Variants in DUOXA2 observed in about 807,000 individuals in gnomAD.
DUOXA2 encodes the protein dual oxidase maturation factor 2.
In DUOXA2, 22 loss-of-function variants were observed where a neutral mutation model predicts 27.6. The observed-to-expected ratio is 0.80, with a 90% CI of 0.57 to 1.14. DUOXA2 has a LOEUF of 1.14. DUOXA2 is among the 50% of genes most tolerant of loss of function. The probability of loss-of-function intolerance (pLI) is 0.00; values close to 1 mark genes in which losing one functional copy is unlikely to be tolerated. For missense variants in DUOXA2, 481 were observed against 419.9 expected (o/e 1.15, Z -1.27); for synonymous variants, 188 against 184.4 (o/e 1.02, Z -0.16).
rs1323934451 is a variant in DUOXA2 at position 45,117,910 on chromosome 15, G to A, written c.*1G>A. ...AAAATGTATCACCACTAACCTGTGA[G>A]GGGGACCCAATCTGGACTCCTTCCC... is the stretch of plus-strand genomic sequence containing the variant. On this transcript the variant is annotated 3_prime_UTR_variant, in exon 6 of 6. Coordinates refer to ENST00000323030, the MANE Select transcript of DUOXA2 (RefSeq NM_207581.4). 2 of 1,613,226 alleles carry A rather than the reference G, an allele frequency of 1.2e-6. No individual in the cohort carries two copies. The highest frequency in any genetic ancestry group is 2.2e-5 in the East Asian group (1 of 44,878).
At chr15:45,116,358 C>G in intron 3 of DUOXA2, 100 bp downstream of exon 3, 3 of 1,569,530 alleles carry the variant, frequency 1.9e-6, no homozygotes, top group Non-Finnish European at 2.6e-6. Context: ...CCCACAAGCT[C>G]AAATAGCTTG....
At chr15:45,115,989 A>G (rs1894611457) in intron 2 of DUOXA2, 133 bp downstream of exon 2, 1 of 1,590,756 alleles carries the variant, frequency 6.3e-7, no homozygotes, top group Non-Finnish European at 8.6e-7. Flanking sequence ...TCTAGGGCCC[A>G]CTTTTTGGCC....
At chr15:45,116,491 C>G in intron 3 of DUOXA2, 25 bp from the exon 4 acceptor site, 2 of 1,612,564 alleles carry the variant, frequency 1.2e-6, no homozygotes, top group Non-Finnish European at 8.5e-7. Context: ...CGCGGGCAGC[C>G]CCATGAGCCC....
intron 1 of DUOXA2, 44 bp downstream of exon 1, chr15:45,114,796 T>G: frequency 6.2e-7 from 1 of 1,613,846 alleles, no homozygotes; most frequent in Non-Finnish European, 8.5e-7. Flanking sequence ...GGAAGGCTCA[T>G]GGGCAGATTG....
chr15:45,116,495 T>C, intron 3 of DUOXA2, 21 bp from the exon 4 acceptor site: 10 of 1,613,036 alleles, frequency 6.2e-6, no homozygotes, highest in East Asian at 2.2e-5. Flanking sequence ...GGCAGCCCCA[T>C]GAGCCCGCCT....
Position 45,118,054 on chromosome 15 carries a change from A to G in DUOXA2, c.*145A>G, listed in dbSNP as rs780759367. ...TCGGACATCCGCAGGCACCAGGGAA[A>G]GTCTCCTGGGGCGATCTGTAAATAA... On this transcript the variant is annotated 3_prime_UTR_variant, in exon 6 of 6. Coordinates refer to ENST00000323030, the MANE Select transcript of DUOXA2 (RefSeq NM_207581.4). 2 of 1,588,176 alleles carry G rather than the reference A, an allele frequency of 1.3e-6. No homozygotes were observed. Among genetic ancestry groups the G allele is most frequent in the South Asian group, 1.1e-5 (1 of 89,256 alleles).
In DUOXA2 at chr15:45,118,036, T is replaced by A. The variant is rs1466836269; in HGVS notation, c.*127T>A. On this transcript the variant is annotated 3_prime_UTR_variant, in exon 6 of 6. Coordinates refer to ENST00000323030, the MANE Select transcript of DUOXA2 (RefSeq NM_207581.4). The stretch of plus-strand genomic sequence containing the variant: ...CGCTGCTGGCGCGAGGCCTCGGACA[T>A]CCGCAGGCACCAGGGAAAGTCTCCT... The A allele has an allele frequency of 1.3e-6, 2 of 1,595,912 alleles. No individual in the cohort carries two copies. Among genetic ancestry groups the A allele is most frequent in the Non-Finnish European group, 8.6e-7 (1 of 1,167,906 alleles).
At chr15:45,115,148 AGTGT>A (rs1347968173) in intron 1 of DUOXA2, among the ~76,000 whole-genome samples, 2 of 152,216 alleles carry the variant, frequency 1.3e-5, no homozygotes, top group East Asian at 3.8e-4. Flanking sequence ...CTCAGACTGC[AGTGT>A]TCCCCTTTGC....
At position 45,115,769 on chromosome 15, in the gene DUOXA2, C is replaced by T. The variant is rs28559568; in HGVS notation, c.148-30C>T. 0.016 allele frequency: 26,341 copies of T among 1,613,992 alleles called. 492 individuals carry two copies. The highest frequency in any genetic ancestry group is 0.071 in the African/African-American group (5,292 of 74,996). On this transcript the variant is annotated intron_variant, in intron 1 of 5. Transcript: ENST00000323030. ...TTGGGGACTCTGGTTTGGCAGGGCT[C>T]AGGCCTGACCCGGGTGCCTATTCCT...
Position 45,116,497 on chromosome 15 carries a change from A to T in DUOXA2, c.341-19A>T. The T allele has an allele frequency of 6.2e-7, 1 of 1,613,168 alleles. No individual in the cohort carries two copies. The highest frequency in any genetic ancestry group is 1.1e-5 in the South Asian group (1 of 91,056). The stretch of plus-strand genomic sequence containing the variant: ...GTCTCCGACCGCGGGCAGCCCCATG[A>T]GCCCGCCTCACCCCACAGGGACCCC... On this transcript the variant is annotated intron_variant, in intron 3 of 5. Coordinates refer to ENST00000323030, the MANE Select transcript of DUOXA2 (RefSeq NM_207581.4).
chr15:45,117,823 A>G lies in DUOXA2; in HGVS notation c.877A>G (p.Arg293Gly), dbSNP rs760971785. The G allele has an allele frequency of 6.2e-7, 1 of 1,613,858 alleles. No individual in the cohort carries two copies. The highest frequency in any genetic ancestry group is 2.2e-5 in the East Asian group (1 of 44,878). The change falls in exon 6 of 6, where the codon AGA becomes GGA. Residue 293 changes from arginine (R) to glycine (G), a missense_variant. Coordinates refer to ENST00000323030, the MANE Select transcript of DUOXA2 (RefSeq NM_207581.4). Reference protein sequence around the residue: ...DQSAKDCSQERGGSPLILGDP... With the variant: ...DQSAKDCSQEGGGSPLILGDP... ...AAGCGCCAAGGACTGCAGCCAGGAG[A>G]GAGGGGGCTCACCTCTTATCCTCGG... is the stretch of plus-strand genomic sequence containing the variant.
At position 45,116,130 on chromosome 15, in the gene DUOXA2, A is replaced by C. The variant is rs1470175943; in HGVS notation, c.212A>C (p.His71Pro). ...CGTGTGCCTTTCCCTACAGCTGTGC[A>C]CTTCAGTGCAGAATGGTTCGTGGGT... ...LFIGAEIVAV[H>P]FSAEWFVGTV... Residue 71 changes from histidine (H) to proline (P), a missense_variant, in exon 3 of 6, where the codon CAC becomes CCC. Physicochemically the swap from His to Pro is moderately conservative, Grantham distance 77 (BLOSUM62 -2). Transcript: ENST00000323030. The C allele has an allele frequency of 1.2e-6, 2 of 1,611,548 alleles. No individual in the cohort carries two copies. Among genetic ancestry groups the C allele is most frequent in the African/African-American group, 1.3e-5 (1 of 74,404 alleles).
intron 5 of DUOXA2, 59 bp from the exon 6 acceptor site, chr15:45,117,657 C>T (rs141177699): frequency 3.7e-6 from 6 of 1,613,714 alleles, no homozygotes; most frequent in Non-Finnish European, 5.1e-6. Flanking sequence ...CGAGACCAGC[C>T]TGGGCAACAT....
intron 3 of DUOXA2, 115 bp downstream of exon 3, chr15:45,116,373 C>A: frequency 6.4e-7 from 1 of 1,566,014 alleles, no homozygotes; most frequent in Non-Finnish European, 8.7e-7. Flanking sequence ...AGCTTGTGGT[C>A]CTCGTGGATT....
rs2576091 is a variant in DUOXA2 at position 45,116,493 on chromosome 15, C to G, written c.341-23C>G. The G allele has an allele frequency of 0.89, 1,441,027 of 1,612,674 alleles. 654,414 individuals carry two copies. The highest frequency in any genetic ancestry group is 0.94 in the East Asian group (41,946 of 44,842). On this transcript the variant is annotated intron_variant, in intron 3 of 5. Coordinates refer to ENST00000323030, the MANE Select transcript of DUOXA2 (RefSeq NM_207581.4). ...CGAGGTCTCCGACCGCGGGCAGCCC[C>G]ATGAGCCCGCCTCACCCCACAGGGA...
intron 1 of DUOXA2, 119 bp from the exon 2 acceptor site, chr15:45,115,680 T>C: frequency 1.6e-6 from 2 of 1,238,014 alleles, no homozygotes; most frequent in South Asian, 1.3e-5. Context: ...AAAGCGTGCC[T>C]AACATTAGTC....
At chr15:45,116,813 G>A (rs1894657722) in intron 4 of DUOXA2, 84 bp downstream of exon 4, 2 of 1,507,542 alleles carry the variant, frequency 1.3e-6, no homozygotes, top group Admixed American at 1.9e-5. Context: ...GGCCTCGGAG[G>A]CGCTGAGCAG....
chr15:45,116,111 C>T lies in DUOXA2; in HGVS notation c.206-13C>T, dbSNP rs1328768689. ...ACCCTCATCCCACCCCCACCGTGTGCCTTTCCCTACAGCTGTGCACTTCAG... is the reference window on the plus strand; with the variant it reads ...ACCCTCATCCCACCCCCACCGTGTGTCTTTCCCTACAGCTGTGCACTTCAG... On this transcript the variant is annotated splice_polypyrimidine_tract_variant and intron_variant, in intron 2 of 5. Transcript: ENST00000323030. 3 of 1,595,794 alleles carry T rather than the reference C, an allele frequency of 1.9e-6. No homozygotes were observed. The highest frequency in any genetic ancestry group is 2.6e-6 in the Non-Finnish European group (3 of 1,165,754).
rs1465675115 is a variant in DUOXA2 at position 45,117,792 on chromosome 15, G to A, written c.846G>A (p.Leu282=). ...YVRPSALRTL[L]DQSAKDCSQE... is the part of the protein sequence containing the mutation. ...GGCCCAGCGCTCTTCGCACCCTTCT[G>A]GACCAAAGCGCCAAGGACTGCAGCC... Residue 282 remains leucine, a synonymous_variant, in exon 6 of 6, where the codon CTG becomes CTA. Coordinates refer to ENST00000323030, the MANE Select transcript of DUOXA2 (RefSeq NM_207581.4). The A allele has an allele frequency of 1.9e-6, 3 of 1,613,978 alleles. No homozygotes were observed. Among genetic ancestry groups the A allele is most frequent in the South Asian group, 1.1e-5 (1 of 91,082 alleles).
Sources: allele counts gnomAD v4.1 joint callset (sites outside exome capture counted in the v4.1 genomes callset), GRCh38; gene constraint gnomAD v4.1.1; transcripts MANE v1.5; gene names NCBI Gene and HGNC (gene_info 2026-07-23, HGNC 2026-07-21).